ROBO1: variants seen among roughly 807,000 people sequenced by gnomAD.
The protein encoded by ROBO1 is roundabout homolog 1.
Under a neutral mutation model 195.9 loss-of-function variants are expected in ROBO1, and 149 were observed. The observed-to-expected ratio is 0.76, with a 90% CI of 0.67 to 0.87. The LOEUF (loss-of-function observed/expected upper bound fraction) is 0.87, where lower values mean the gene tolerates loss of function less well. ROBO1 is among the 40% of genes least tolerant of loss of function. The pLI, the probability that ROBO1 is intolerant of heterozygous loss-of-function variation, is 0.00. For synonymous variants in ROBO1, 816 were observed against 733.2 expected, an observed-to-expected ratio of 1.11 and a Z score of -1.82; for missense variants, 1,933 against 2,068.3, an observed-to-expected ratio of 0.93 and a Z score of 1.27.
At chr3:78,811,503 C>T (rs2084738673) in intron 4 of ROBO1, among the ~76,000 whole-genome samples, 1 of 152,126 alleles carries the variant, frequency 6.6e-6, no homozygotes, top group Non-Finnish European at 1.5e-5. Flanking sequence ...TAACTGCTCT[C>T]CCAGGCCTGT....
intron 26 of ROBO1, among the ~76,000 whole-genome samples, chr3:78,626,610 CAAT>C (rs1317957173): frequency 6.6e-6 from 1 of 151,962 alleles, no homozygotes; most frequent in African/African-American, 2.4e-5. Flanking sequence ...AAATCATCAA[CAAT>C]GAGAGAAGAG....
chr3:78,789,433 A>C (rs564642399), intron 4 of ROBO1, among the ~76,000 whole-genome samples: 1 of 152,344 alleles, frequency 6.6e-6, no homozygotes, highest in African/African-American at 2.4e-5. Flanking sequence ...TTTGGAATAA[A>C]GAATAGATTC....
chr3:79,125,362 G>A (rs959357915), intron 3 of ROBO1, 94 bp downstream of exon 3: 2 of 980,188 alleles, frequency 2.0e-6, no homozygotes, highest in East Asian at 5.2e-5. Context: ...CTGGAAGCAG[G>A]GATGATTCGA....
chr3:78,658,375 C>T (rs903642183), intron 17 of ROBO1, among the ~76,000 whole-genome samples: 9 of 152,202 alleles, frequency 5.9e-5, no homozygotes, highest in African/African-American at 1.9e-4. Flanking sequence ...ACTGCAGCCT[C>T]CACCTCCCGG....
intron 3 of ROBO1, among the ~76,000 whole-genome samples, chr3:78,947,264 T>A (rs2040499467): frequency 6.6e-6 from 1 of 152,078 alleles, no homozygotes. Flanking sequence ...ACTGACCACA[T>A]AGTAGGAAGT....
chr3:78,717,133 C>G, intron 7 of ROBO1, 142 bp downstream of exon 7: 2 of 818,680 alleles, frequency 2.4e-6, no homozygotes, highest in Non-Finnish European at 3.6e-6. Context: ...CCTCCTGCTT[C>G]TAATTATCTC....
intron 14 of ROBO1, among the ~76,000 whole-genome samples, chr3:78,666,282 T>C (rs868661010): frequency 1.3e-5 from 2 of 152,246 alleles, no homozygotes; most frequent in African/African-American, 2.4e-5. Flanking sequence ...AAGAGACTAA[T>C]ACATTGTTCC....
chr3:79,618,482 C>T (rs1944895978), intron 1 of ROBO1, among the ~76,000 whole-genome samples: 1 of 152,136 alleles, frequency 6.6e-6, no homozygotes, highest in South Asian at 2.1e-4. Context: ...CATTACTTCT[C>T]CTGGACAATG....
intron 1 of ROBO1, among the ~76,000 whole-genome samples, chr3:79,633,131 C>T (rs1945392032): frequency 6.7e-6 from 1 of 149,246 alleles, no homozygotes; most frequent in Non-Finnish European, 1.5e-5. Flanking sequence ...CGTATAGAAA[C>T]ATATATTATA....
chr3:78,872,720 A>G (rs1188090845), intron 4 of ROBO1, among the ~76,000 whole-genome samples: 1 of 152,158 alleles, frequency 6.6e-6, no homozygotes, highest in African/African-American at 2.4e-5. Context: ...TTCAGGTTGT[A>G]ACACTCACGT....
intron 2 of ROBO1, among the ~76,000 whole-genome samples, chr3:79,511,683 A>G (rs973785818): frequency 1.3e-5 from 2 of 152,202 alleles, no homozygotes; most frequent in African/African-American, 2.4e-5. Flanking sequence ...ATGCCCATCA[A>G]TGATAGACTA....
chr3:79,693,643 G>T (rs1362931864), intron 1 of ROBO1, among the ~76,000 whole-genome samples: 1 of 151,456 alleles, frequency 6.6e-6, no homozygotes, highest in Non-Finnish European at 1.5e-5. Context: ...CGGTAATGTG[G>T]CCCAGGCTGG....
chr3:79,715,827 T>G (rs939195189), intron 1 of ROBO1, among the ~76,000 whole-genome samples: 1 of 152,110 alleles, frequency 6.6e-6, no homozygotes, highest in African/African-American at 2.4e-5. Context: ...CAGACAGAAT[T>G]ACATTTAAAT....
At chr3:78,844,138 C>T (rs142805055) in intron 4 of ROBO1, among the ~76,000 whole-genome samples, 44 of 152,230 alleles carry the variant, frequency 2.9e-4, no homozygotes, top group African/African-American at 9.6e-4. Context: ...TGCTTAGAAG[C>T]AGCCACATTT....
rs765691980 is a variant in ROBO1, at chr3:79,290,278, C to T, written c.89-164739G>A. 4.6e-5 allele frequency among the ~76,000 whole-genome samples: 7 copies of T among 151,986 alleles called. 1 individual carries two copies. In the South Asian group the frequency reaches 1.0e-3, roughly 23 times the overall value. Reference sequence around the variant, plus strand: ...CGAACCCCTGACCTCGTGATCCACCCGCCTCGGCCTCCCAAAGTGCTGGGA... The same window carrying T: ...CGAACCCCTGACCTCGTGATCCACCTGCCTCGGCCTCCCAAAGTGCTGGGA... On this transcript the variant is annotated intron_variant, in intron 2 of 30. Coordinates refer to ENST00000464233, the MANE Select transcript of ROBO1 (RefSeq NM_002941.4).
chr3:79,556,307 T>C (rs943324562), intron 2 of ROBO1, among the ~76,000 whole-genome samples: 4 of 152,108 alleles, frequency 2.6e-5, no homozygotes, highest in African/African-American at 7.2e-5. Context: ...AGAAATGTAA[T>C]ACATGAATAA....
intron 2 of ROBO1, among the ~76,000 whole-genome samples, chr3:79,235,141 G>A (rs551244006): frequency 6.6e-6 from 1 of 151,854 alleles, no homozygotes; most frequent in African/African-American, 2.4e-5. Context: ...GAGAATAAAG[G>A]GAAAGATAAA....
intron 1 of ROBO1, among the ~76,000 whole-genome samples, chr3:79,644,617 C>G (rs189665593): frequency 2.0e-5 from 3 of 152,256 alleles, no homozygotes; most frequent in African/African-American, 7.2e-5. Flanking sequence ...CCCCATTATT[C>G]AATTACCTTT....
intron 18 of ROBO1, among the ~76,000 whole-genome samples, chr3:78,656,006 T>C (rs1044530072): frequency 7.9e-5 from 12 of 152,226 alleles, no homozygotes; most frequent in African/African-American, 1.4e-4. Flanking sequence ...TGGTATTTTG[T>C]CATTGTTTTG....
Sources: gnomAD v4.1 joint callset for allele counts (sites outside exome capture counted in the v4.1 genomes callset) on GRCh38, gnomAD v4.1.1 for gene constraint, MANE v1.5 for transcripts, NCBI Gene and HGNC (gene_info 2026-07-23, HGNC 2026-07-21) for gene names.